The following SAMMSON variants were observed in gnomAD, a reference collection of about 807,000 sequenced individuals.
The protein encoded by SAMMSON is survival associated mitochondrial melanoma specific oncogenic non-coding RNA, also known as long intergenic non-protein coding RNA 1212.
chr3:70,261,927 G>C (rs554346757), intron 6 of SAMMSON, among the ~76,000 whole-genome samples: 1 of 152,188 alleles, frequency 6.6e-6, no homozygotes, highest in East Asian at 1.9e-4. Flanking sequence ...ACCATAAACG[G>C]CCAAGTTTAA....
At chr3:70,022,268 T>A (rs2067016767) in intron 3 of SAMMSON, among the ~76,000 whole-genome samples, 1 of 87,710 alleles carries the variant, frequency 1.1e-5, no homozygotes, top group Non-Finnish European at 2.1e-5. Context: ...ATTAAGAAAT[T>A]GTTGCCGGGT....
intron 4 of SAMMSON, among the ~76,000 whole-genome samples, chr3:70,233,095 A>G (rs1701576266): frequency 6.6e-6 from 1 of 152,214 alleles, no homozygotes; most frequent in Non-Finnish European, 1.5e-5. Flanking sequence ...AGGCTGAGGC[A>G]CAAGAATCGC....
At chr3:70,381,962 G>T (rs1018596756) in intron 9 of SAMMSON, among the ~76,000 whole-genome samples, 1 of 152,090 alleles carries the variant, frequency 6.6e-6, no homozygotes, top group African/African-American at 2.4e-5. Flanking sequence ...ATGATGTCTA[G>T]GAACTATTGC....
chr3:70,164,546 A>G (rs1259784192), intron 4 of SAMMSON, among the ~76,000 whole-genome samples: 1 of 152,050 alleles, frequency 6.6e-6, no homozygotes. Context: ...GCAAAATTTT[A>G]CCAGGTAGCT....
chr3:70,363,285 A>G (rs1214400329), intron 9 of SAMMSON, among the ~76,000 whole-genome samples: 1 of 152,060 alleles, frequency 6.6e-6, no homozygotes, highest in African/African-American at 2.4e-5. Context: ...AAGGATGCCC[A>G]CTTTCACCAC....
chr3:70,247,983 A>G (rs887748786), intron 4 of SAMMSON, among the ~76,000 whole-genome samples: 17 of 152,122 alleles, frequency 1.1e-4, no homozygotes, highest in African/African-American at 4.1e-4. Context: ...TGCTACAATG[A>G]TCAAAATAAA....
At chr3:70,099,672 C>A (rs1383627057) in intron 4 of SAMMSON, among the ~76,000 whole-genome samples, 1 of 152,102 alleles carries the variant, frequency 6.6e-6, no homozygotes, top group African/African-American at 2.4e-5. Context: ...TTCAGTTTGG[C>A]CTTGATTACT....
chr3:70,136,259 G>C (rs4974261), intron 4 of SAMMSON, among the ~76,000 whole-genome samples: 107,718 of 152,070 alleles, frequency 0.71, 38,612 homozygotes, highest in Non-Finnish European at 0.76. Flanking sequence ...TCACCAAAAA[G>C]TTATTGTGGT....
chr3:70,295,126 A>C (rs1384378984), intron 7 of SAMMSON, among the ~76,000 whole-genome samples: 2 of 152,138 alleles, frequency 1.3e-5, no homozygotes, highest in Non-Finnish European at 2.9e-5. Context: ...AATTCTTCCA[A>C]CTTCTGAGAT....
At chr3:70,363,337 G>C (rs777931821) in intron 9 of SAMMSON, among the ~76,000 whole-genome samples, 31 of 151,952 alleles carry the variant, frequency 2.0e-4, no homozygotes, top group Non-Finnish European at 4.0e-4. Flanking sequence ...AGAGAATGAG[G>C]AAAGAGAAAG....
intron 7 of SAMMSON, among the ~76,000 whole-genome samples, chr3:70,305,656 G>A (rs1267890199): frequency 2.0e-5 from 3 of 152,162 alleles, no homozygotes; most frequent in East Asian, 3.8e-4. Context: ...TGGTTGCTGA[G>A]TTGAACAAAA....
intron 4 of SAMMSON, among the ~76,000 whole-genome samples, chr3:70,156,951 C>A (rs2067594344): frequency 6.6e-6 from 1 of 152,008 alleles, no homozygotes; most frequent in Non-Finnish European, 1.5e-5. Context: ...GTCAGAATTT[C>A]TTTACAAGTT....
intron 4 of SAMMSON, chr3:70,140,513 C>T (rs1394914451): frequency 6.2e-6 from 1 of 160,374 alleles, no homozygotes; most frequent in African/African-American, 2.4e-5. Context: ...TTACTTCAGC[C>T]TTCATCACCT....
chr3:70,301,322 G>A lies in SAMMSON; in HGVS notation n.739+10079G>A, dbSNP rs544660528. Among the ~76,000 whole-genome samples, 19 of 152,106 alleles carry A rather than the reference G, an allele frequency of 1.2e-4. No homozygotes were observed. In the South Asian group the frequency reaches 1.7e-3, roughly 13 times the overall value. On this transcript the variant is annotated intron_variant and non_coding_transcript_variant, in intron 7 of 9. Transcript: ENST00000642114. ...GAATTGGGTATGTTCATATGGTTTC[G>A]TGTATGAGAGATTTCATACTGCAAA...
chr3:70,135,475 A>G (rs2067501816), intron 4 of SAMMSON, among the ~76,000 whole-genome samples: 1 of 152,204 alleles, frequency 6.6e-6, no homozygotes, highest in African/African-American at 2.4e-5. Context: ...AAATTCTTCA[A>G]AAGGCAACTT....
intron 4 of SAMMSON, among the ~76,000 whole-genome samples, chr3:70,131,904 A>G (rs1245130341): frequency 6.6e-6 from 1 of 152,122 alleles, no homozygotes; most frequent in African/African-American, 2.4e-5. Flanking sequence ...GATCATGCTT[A>G]CAAGTAGCCT....
chr3:70,216,701 C>T lies in SAMMSON; in HGVS notation n.508-32406C>T, dbSNP rs533654314. Reference sequence around the variant, plus strand: ...AGCTTATTGAAAAACATACTCAGGTCTCTGCTCAAATGTCACCTCCTGGGT... The same window carrying T: ...AGCTTATTGAAAAACATACTCAGGTTTCTGCTCAAATGTCACCTCCTGGGT... On this transcript the variant is annotated intron_variant and non_coding_transcript_variant, in intron 4 of 9. Transcript: ENST00000642114. 2.9e-4 allele frequency among the ~76,000 whole-genome samples: 44 copies of T among 152,262 alleles called. No individual in the cohort carries two copies. The South Asian group carries it at 8.7e-3, about 30-fold the overall frequency.
intron 9 of SAMMSON, among the ~76,000 whole-genome samples, chr3:70,364,515 TTAC>T (rs1702903943): frequency 6.6e-6 from 1 of 151,940 alleles, no homozygotes; most frequent in Non-Finnish European, 1.5e-5. Context: ...ACTTTTTCTC[TTAC>T]TACCCCAAAG....
At chr3:70,327,275 TAAAAC>T (rs1188863767) in intron 7 of SAMMSON, among the ~76,000 whole-genome samples, 1 of 152,094 alleles carries the variant, frequency 6.6e-6, no homozygotes, top group East Asian at 1.9e-4. Flanking sequence ...ATAAACAACT[TAAAAC>T]AAACAAGCAT....
Sources: allele counts gnomAD v4.1 joint callset (sites outside exome capture counted in the v4.1 genomes callset), GRCh38; gene constraint gnomAD v4.1.1; transcripts MANE v1.5; gene names NCBI Gene and HGNC (gene_info 2026-07-23, HGNC 2026-07-21).